The following CPQ variants were observed in gnomAD, a reference collection of about 807,000 sequenced individuals.
CPQ encodes the protein Ser-Met dipeptidase.
Under a neutral mutation model 45.7 loss-of-function variants are expected in CPQ, and 37 were observed. The observed-to-expected ratio is 0.81, with a 90% CI of 0.62 to 1.07. The LOEUF is 1.07. Ranked by LOEUF, CPQ falls within the 50% of genes least tolerant of loss-of-function variation. CPQ has a pLI of 0.00. For missense variants in CPQ, 537 were observed against 572.9 expected, an observed-to-expected ratio of 0.94 and a Z score of 0.64; for synonymous variants, 186 against 205.8, an observed-to-expected ratio of 0.90 and a Z score of 0.82.
intron 4 of CPQ, among the ~76,000 whole-genome samples, 171 bp from the exon 5 acceptor site, chr8:96,965,764 A>T (rs1813545969): frequency 6.6e-6 from 1 of 152,194 alleles, no homozygotes; most frequent in East Asian, 1.9e-4. Flanking sequence ...CCCCTTATAC[A>T]ATTCCTCAAT....
chr8:96,959,130 C>T (rs1435276545), intron 4 of CPQ, among the ~76,000 whole-genome samples: 1 of 152,100 alleles, frequency 6.6e-6, no homozygotes, highest in Non-Finnish European at 1.5e-5. Context: ...CCTCTGAAAG[C>T]CAAGGCTTTG....
intron 7 of CPQ, among the ~76,000 whole-genome samples, chr8:97,137,528 C>T (rs537353712): frequency 3.3e-4 from 50 of 152,332 alleles, no homozygotes; most frequent in African/African-American, 1.1e-3. Flanking sequence ...TCCCCACCAG[C>T]TTCAACTAAC....
chr8:96,750,244 A>T (rs1057387537), intron 1 of CPQ, among the ~76,000 whole-genome samples: 1 of 151,932 alleles, frequency 6.6e-6, no homozygotes, highest in South Asian at 2.1e-4. Flanking sequence ...GATAATATAT[A>T]ATACTCAAAT....
intron 6 of CPQ, among the ~76,000 whole-genome samples, chr8:97,032,400 C>T (rs777159159): frequency 2.7e-4 from 41 of 152,086 alleles, no homozygotes; most frequent in Admixed American, 1.8e-3. Context: ...AAGTGGCTGA[C>T]GTCATTTCTA....
intron 1 of CPQ, among the ~76,000 whole-genome samples, chr8:96,657,533 T>C (rs543228989): frequency 6.6e-6 from 1 of 152,364 alleles, no homozygotes; most frequent in African/African-American, 2.4e-5. Context: ...TTTGGATTGT[T>C]GCTTGTTGGA....
At chr8:96,718,415 C>T (rs188816750) in intron 1 of CPQ, among the ~76,000 whole-genome samples, 100 of 151,868 alleles carry the variant, frequency 6.6e-4, no homozygotes, top group Admixed American at 2.1e-3. Context: ...CAGACCTTCG[C>T]GGTGAGTGTT....
chr8:96,926,924 A>T (rs1268626420), intron 4 of CPQ, among the ~76,000 whole-genome samples: 2 of 152,014 alleles, frequency 1.3e-5, no homozygotes, highest in South Asian at 2.1e-4. Flanking sequence ...GAGAACTTGC[A>T]TTCTGTTTGT....
At chr8:96,686,842 AC>A (rs1227721988) in intron 1 of CPQ, among the ~76,000 whole-genome samples, 1 of 152,154 alleles carries the variant, frequency 6.6e-6, no homozygotes, top group Non-Finnish European at 1.5e-5. Context: ...GAGTAAATTG[AC>A]AATTTGTCCT....
At chr8:96,796,147 C>A (rs943745971) in intron 2 of CPQ, among the ~76,000 whole-genome samples, 5 of 151,938 alleles carry the variant, frequency 3.3e-5, no homozygotes, top group Non-Finnish European at 7.4e-5. Flanking sequence ...TCTTCAAAAC[C>A]CTGCACCTTC....
intron 6 of CPQ, among the ~76,000 whole-genome samples, chr8:97,041,159 T>C (rs985760175): frequency 2.0e-5 from 3 of 152,218 alleles, no homozygotes; most frequent in African/African-American, 7.2e-5. Context: ...TTTTATTTCA[T>C]TGAGCAGGGG....
At chr8:96,821,771 A>G (rs1811310938) in intron 2 of CPQ, among the ~76,000 whole-genome samples, 1 of 151,834 alleles carries the variant, frequency 6.6e-6, no homozygotes, top group Admixed American at 6.6e-5. Flanking sequence ...TGGGTTTTAC[A>G]GTTTTAAAAA....
chr8:96,725,448 A>T (rs1334806297), intron 1 of CPQ, among the ~76,000 whole-genome samples: 4 of 152,242 alleles, frequency 2.6e-5, no homozygotes, highest in Admixed American at 6.5e-5. Flanking sequence ...TTATCAAAAG[A>T]AGACAGACAA....
At chr8:96,660,636 GGTGTGTGTGT>G (rs71267273) in intron 1 of CPQ, among the ~76,000 whole-genome samples, 5 of 149,050 alleles carry the variant, frequency 3.4e-5, no homozygotes, top group Admixed American at 6.7e-5. Flanking sequence ...GAATACATTT[GGTGTGTGTGT>G]GTGTGTGTGT....
chr8:97,068,302 T>C (rs1243592895), intron 7 of CPQ, among the ~76,000 whole-genome samples: 1 of 152,148 alleles, frequency 6.6e-6, no homozygotes, highest in Non-Finnish European at 1.5e-5. Context: ...CCTAATAGAA[T>C]GGAGTGGGGA....
chr8:96,719,108 C>T (rs551033567), intron 1 of CPQ, among the ~76,000 whole-genome samples: 1 of 152,286 alleles, frequency 6.6e-6, no homozygotes, highest in South Asian at 2.1e-4. Context: ...CTTGGGTGGT[C>T]GATAGGACTG....
At chr8:96,767,016 T>G (rs982932727) in intron 1 of CPQ, among the ~76,000 whole-genome samples, 1 of 152,214 alleles carries the variant, frequency 6.6e-6, no homozygotes, top group Non-Finnish European at 1.5e-5. Flanking sequence ...CCTGCACAGC[T>G]GTCACAACAA....
At chr8:97,125,709 G>T (rs12544693) in intron 7 of CPQ, among the ~76,000 whole-genome samples, 36,845 of 152,022 alleles carry the variant, frequency 0.24, 5,690 homozygotes, top group Non-Finnish European at 0.34. Context: ...GGAAAATTAG[G>T]AATAGTGACA....
chr8:96,823,833 C>T (rs1000091305), intron 2 of CPQ, among the ~76,000 whole-genome samples: 2 of 151,944 alleles, frequency 1.3e-5, no homozygotes, highest in Non-Finnish European at 2.9e-5. Flanking sequence ...AATGCTAGTT[C>T]GTTATTATTA....
Position 97,101,038 on chromosome 8 carries a change from T to A in CPQ, c.1255+34828T>A, listed in dbSNP as rs1811295539. 2.0e-5 allele frequency among the ~76,000 whole-genome samples: 3 copies of A among 152,194 alleles called. No individual in the cohort carries two copies. The South Asian group carries it at 6.2e-4, about 31-fold the overall frequency. On this transcript the variant is annotated intron_variant, in intron 7 of 7. Coordinates refer to ENST00000220763, the MANE Select transcript of CPQ (RefSeq NM_016134.4). Reference sequence around the variant, plus strand: ...TCAGTCACTGAGTTAGCAAAGGAACTTGATTAGAATAATACTCAACCACGT... The same window carrying A: ...TCAGTCACTGAGTTAGCAAAGGAACATGATTAGAATAATACTCAACCACGT...
Sources: gnomAD v4.1 joint callset for allele counts (sites outside exome capture counted in the v4.1 genomes callset) on GRCh38, gnomAD v4.1.1 for gene constraint, MANE v1.5 for transcripts, NCBI Gene and HGNC (gene_info 2026-07-23, HGNC 2026-07-21) for gene names.